The following TAF1C variants were observed in gnomAD, a reference collection of about 807,000 sequenced individuals.
The protein encoded by TAF1C is TATA-box binding protein associated factor, RNA polymerase I subunit C, also known as TATA box-binding protein-associated factor RNA polymerase I subunit C.
TAF1C carries 79 observed loss-of-function variants against 70.5 expected under a neutral mutation model. That is an observed-to-expected ratio of 1.12 (90% CI 0.93 to 1.35). The LOEUF (loss-of-function observed/expected upper bound fraction) is 1.35, where lower values mean the gene tolerates loss of function less well. Among genes scored for constraint, TAF1C ranks in the 40% most tolerant of loss-of-function variants. The probability of loss-of-function intolerance (pLI) is 0.00; values close to 1 mark genes in which losing one functional copy is unlikely to be tolerated. For missense variants in TAF1C, 1,412 were observed against 1,127.8 expected, an observed-to-expected ratio of 1.25 and a Z score of -3.61; for synonymous variants, 614 against 491.1, an observed-to-expected ratio of 1.25 and a Z score of -3.31.
At position 84,182,989 on chromosome 16, in the gene TAF1C, G is replaced by A. The variant is rs531817835; in HGVS notation, c.482+87C>T. 5.5e-5 allele frequency: 76 copies of A among 1,387,036 alleles called. No homozygotes were observed. The African/African-American group carries it at 5.5e-4, about 10-fold the overall frequency. 85.9% of individuals were successfully genotyped at this position (1,387,036 alleles called of 1,614,324 possible). A position where few individuals can be genotyped will look rare whatever the true frequency, so the allele number is the denominator to read the frequency against. On this transcript the variant is annotated intron_variant, in intron 6 of 14. Coordinates refer to ENST00000566732, the MANE Select transcript of TAF1C (RefSeq NM_001243156.2). The surrounding 1 kb of genome is among the most constrained non-coding windows in gnomAD (Gnocchi z 5.0). ...GGAGCAGGGGGGAAGTGGGTATGAC[G>A]GAAAGCTGTACGTGCGTCCTAGCAC...
In TAF1C at chr16:84,182,124, T is replaced by C. The variant is rs2089234754; in HGVS notation, c.722-66A>G. On this transcript the variant is annotated intron_variant, in intron 7 of 14. Transcript: ENST00000566732. This position sits in a 1 kb window ranked among gnomAD's most constrained non-coding sequence, Gnocchi z 5.0. The stretch of plus-strand genomic sequence containing the variant: ...CTGCAAGCCCCCCAAATTCCTGCCC[T>C]TCTCTGGACCATGCCAAGAGCACCT... 1.3e-6 allele frequency: 2 copies of C among 1,589,832 alleles called. No individual in the cohort carries two copies. Among genetic ancestry groups the C allele is most frequent in the Non-Finnish European group, 8.6e-7 (1 of 1,166,598 alleles).
chr16:84,178,037 C>G lies in TAF1C; in HGVS notation c.*904G>C. On this transcript the variant is annotated 3_prime_UTR_variant, in exon 15 of 15. Transcript: ENST00000566732. Reference sequence around the variant, plus strand: ...TATGTCATCAGAAACCAGACAGACCCGGGTCCCTGCAAAATCTCAAGTGAG... The same window carrying G: ...TATGTCATCAGAAACCAGACAGACCGGGGTCCCTGCAAAATCTCAAGTGAG... 1 of 585,372 alleles carries G rather than the reference C, an allele frequency of 1.7e-6. No homozygotes were observed. The highest frequency in any genetic ancestry group is 3.1e-6 in the Non-Finnish European group (1 of 320,206). 36.3% of individuals were successfully genotyped at this position (585,372 alleles called of 1,614,324 possible).
At position 84,179,691 on chromosome 16, in the gene TAF1C, G is replaced by T; in HGVS notation, c.1782C>A (p.Asp594Glu). ...DAGPPGDTQPDCHAPTASWTS... is the reference protein window; with the variant it reads ...DAGPPGDTQPECHAPTASWTS... Reference sequence around the variant, plus strand: ...TCCAGGAAGCTGTGGGGGCATGGCAGTCAGGTTGGGTGTCGCCAGGAGGCC... The same window carrying T: ...TCCAGGAAGCTGTGGGGGCATGGCATTCAGGTTGGGTGTCGCCAGGAGGCC... Residue 594 changes from aspartate (D) to glutamate (E), a missense_variant, in exon 15 of 15, where the codon GAC (aspartate) becomes GAA (glutamate). Asp to Glu is a conservative substitution (Grantham distance 45, BLOSUM62 2). Coordinates refer to ENST00000566732, the MANE Select transcript of TAF1C (RefSeq NM_001243156.2). 3 of 1,612,646 alleles carry T rather than the reference G, an allele frequency of 1.9e-6. No homozygotes were observed. The highest frequency in any genetic ancestry group is 2.5e-6 in the Non-Finnish European group (3 of 1,179,946).
chr16:84,180,594 G>C lies in TAF1C; in HGVS notation c.1309-250C>G, dbSNP rs556064726. 2.6e-5 allele frequency: 15 copies of C among 581,254 alleles called. No homozygotes were observed. In the South Asian group the frequency reaches 3.8e-4, roughly 15 times the overall value. 36.0% of individuals were successfully genotyped at this position (581,254 alleles called of 1,614,324 possible). A position where few individuals can be genotyped will look rare whatever the true frequency, so the allele number is the denominator to read the frequency against. On this transcript the variant is annotated intron_variant, in intron 12 of 14. Coordinates refer to ENST00000566732, the MANE Select transcript of TAF1C (RefSeq NM_001243156.2). The stretch of plus-strand genomic sequence containing the variant: ...GGAAAGGGGTGCTCAGAAGAGGTGT[G>C]GGGGAGCCTTGCCAGCAGAAACCTG...
intron 1 of TAF1C, among the ~76,000 whole-genome samples, chr16:84,186,129 T>G (rs1263507323): frequency 8.5e-5 from 13 of 152,236 alleles, no homozygotes; most frequent in Admixed American, 8.5e-4. Flanking sequence ...CAGCAAGAAC[T>G]TTAGTCCAAC....
At position 84,184,959 on chromosome 16, in the gene TAF1C, T is replaced by G. The variant is rs2230126; in HGVS notation, c.30A>C (p.Ala10=). The G allele has an allele frequency of 6.2e-7, 1 of 1,613,194 alleles. No individual in the cohort carries two copies. The highest frequency in any genetic ancestry group is 1.1e-5 in the South Asian group (1 of 91,024). The change falls in exon 2 of 15, where the codon GCA becomes GCC. Residue 10 remains alanine (A), a synonymous_variant. Transcript: ENST00000566732. MDFPSSLRP[A]LFLTGPLGLS... The stretch of plus-strand genomic sequence containing the variant: ...GACCAAGGGGGCCGGTCAGAAACAA[T>G]GCAGGGCGGAGGGAGCTGGGGAAGT...
At chr16:84,180,992 C>A (rs371742042) in intron 12 of TAF1C, 51 bp downstream of exon 12, 3 of 1,551,876 alleles carry the variant, frequency 1.9e-6, no homozygotes, top group East Asian at 4.6e-5. Flanking sequence ...CCTCTAGTGA[C>A]CATCTGAGAC....
At position 84,183,448 on chromosome 16, in the gene TAF1C, G is replaced by A. The variant is rs1347052630; in HGVS notation, c.280C>T (p.Arg94Trp). 3.1e-6 allele frequency: 5 copies of A among 1,612,336 alleles called. No individual in the cohort carries two copies. Among genetic ancestry groups the A allele is most frequent in the South Asian group, 1.1e-5 (1 of 90,878 alleles). The change falls in exon 4 of 15, where the codon CGG (arginine) becomes TGG (tryptophan). Residue 94 changes from arginine to tryptophan, a missense_variant. Coordinates refer to ENST00000566732, the MANE Select transcript of TAF1C (RefSeq NM_001243156.2). ...DLLFRGGCRY[R>W]KRPRVVLDVT... is the part of the protein sequence containing the mutation. Reference sequence around the variant, plus strand: ...TCCAGCACGACTCGGGGCCGCTTCCGATACCGGCACCCTCCGCGGAAAAGC... The same window carrying A: ...TCCAGCACGACTCGGGGCCGCTTCCAATACCGGCACCCTCCGCGGAAAAGC...
In TAF1C at chr16:84,179,789, G is replaced by A. The variant is rs779241189; in HGVS notation, c.1684C>T (p.Leu562Phe). Residue 562 changes from leucine to phenylalanine, a missense_variant, in exon 15 of 15, where the codon CTC becomes TTC. Transcript: ENST00000566732. Reference protein sequence around the residue: ...APTPGLVLFQLSAAGDVFYQQ... With the variant: ...APTPGLVLFQFSAAGDVFYQQ... The stretch of plus-strand genomic sequence containing the variant: ...TAGAAGACATCTCCCGCCGCCGAGA[G>A]CTGGAAGAGCACCAGGCCTGGTGTG... 123 of 1,610,168 alleles carry A rather than the reference G, an allele frequency of 7.6e-5. No homozygotes were observed. Among genetic ancestry groups the A allele is most frequent in the Non-Finnish European group, 9.8e-5 (115 of 1,178,924 alleles).
Position 84,179,772 on chromosome 16 carries a change from A to G in TAF1C, c.1701T>C (p.Asp567=), listed in dbSNP as rs776222075. The G allele has an allele frequency of 3.1e-6, 5 of 1,609,484 alleles. No individual in the cohort carries two copies. The highest frequency in any genetic ancestry group is 4.2e-6 in the Non-Finnish European group (5 of 1,178,696). The stretch of plus-strand genomic sequence containing the variant: ...GGGGGCGGAGCTGCTGGTAGAAGAC[A>G]TCTCCCGCCGCCGAGAGCTGGAAGA... ...LVLFQLSAAG[D]VFYQQLRPQV... Residue 567 remains aspartate, a synonymous_variant, in exon 15 of 15, where the codon GAT becomes GAC. Coordinates refer to ENST00000566732, the MANE Select transcript of TAF1C (RefSeq NM_001243156.2).
In TAF1C at chr16:84,181,912, G is replaced by A. The variant is rs776072841; in HGVS notation, c.838+30C>T. ...GGGGTCAGGTAGCAGGTCAGCCAGT[G>A]AGGGAGGAAAGTGTATATAAGGGCC... On this transcript the variant is annotated intron_variant, in intron 8 of 14. Coordinates refer to ENST00000566732, the MANE Select transcript of TAF1C (RefSeq NM_001243156.2). 1.3e-5 allele frequency: 21 copies of A among 1,614,054 alleles called. No individual in the cohort carries two copies. The highest frequency in any genetic ancestry group is 1.8e-5 in the Non-Finnish European group (21 of 1,180,026).
chr16:84,183,180 A>C (rs1463330599), intron 5 of TAF1C, 31 bp from the exon 6 acceptor site: 1 of 1,613,422 alleles, frequency 6.2e-7, no homozygotes, highest in Non-Finnish European at 8.5e-7. Context: ...AGGCTCACAC[A>C]CCCTCGAGTT....
chr16:84,181,093 G>A lies in TAF1C; in HGVS notation c.1258C>T (p.His420Tyr), dbSNP rs772419461. 1.9e-6 allele frequency: 3 copies of A among 1,612,884 alleles called. No homozygotes were observed. The highest frequency in any genetic ancestry group is 1.7e-6 in the Non-Finnish European group (2 of 1,179,068). ...GGGGGGAGGCATTTGGGGCTGGAGT[G>A]CCCCAGGTACTGGGTAAGCAGGACA... ...ERVLLTQYLG[H>Y]SSPKCLPPTL... Residue 420 changes from histidine to tyrosine, a missense_variant, in exon 12 of 15, where the codon CAC becomes TAC. Transcript: ENST00000566732.
At chr16:84,186,324 C>T (rs1276797192) in intron 1 of TAF1C, among the ~76,000 whole-genome samples, 1 of 152,204 alleles carries the variant, frequency 6.6e-6, no homozygotes, top group African/African-American at 2.4e-5. Flanking sequence ...GAGGCCAAGG[C>T]GGGCGGATCA....
At position 84,178,461 on chromosome 16, in the gene TAF1C, A is replaced by G; in HGVS notation, c.*480T>C. 2.2e-6 allele frequency: 1 copy of G among 459,240 alleles called. No homozygotes were observed. Among genetic ancestry groups the G allele is most frequent in the South Asian group, 1.5e-5 (1 of 64,588 alleles). The allele number at this position is 459,240 out of a possible 1,614,324, so 28.4% of individuals were successfully genotyped here. A position where few individuals can be genotyped will look rare whatever the true frequency, so the allele number is the denominator to read the frequency against. ...TGTAGGAAACATCAGACCGGGGCAG[A>G]GATTGACAAAGCAACCCACAACAGC... On this transcript the variant is annotated 3_prime_UTR_variant, in exon 15 of 15. Coordinates refer to ENST00000566732, the MANE Select transcript of TAF1C (RefSeq NM_001243156.2).
At chr16:84,180,663 C>T in intron 12 of TAF1C, 1 of 720,468 alleles carries the variant, frequency 1.4e-6, no homozygotes, top group South Asian at 2.5e-5. Context: ...ACCCGGGAGC[C>T]TGTGCTCGAG....
Position 84,183,697 on chromosome 16 carries a change from C to T in TAF1C, c.220G>A (p.Asp74Asn), listed in dbSNP as rs1306023995. Residue 74 changes from aspartate (D) to asparagine (N), a missense_variant and splice_region_variant, in exon 3 of 15, where the codon GAT becomes AAT. By Grantham distance (23) the Asp-to-Asn change is conservative. Coordinates refer to ENST00000566732, the MANE Select transcript of TAF1C (RefSeq NM_001243156.2). ...GAGCCCGGGGGAATGAGACCCTTAC[C>T]GATGAGGGGAGGCAGCATGGGGAGA... ...GPLPMLPPLI[D>N]PWDPGLTARD... 16 of 1,610,628 alleles carry T rather than the reference C, an allele frequency of 9.9e-6. No individual in the cohort carries two copies. The highest frequency in any genetic ancestry group is 1.3e-5 in the Non-Finnish European group (15 of 1,178,064).
In TAF1C at chr16:84,179,642, T is replaced by C. The variant is rs1447844394; in HGVS notation, c.1831A>G (p.Ser611Gly). Residue 611 changes from serine (S) to glycine (G), a missense_variant, in exon 15 of 15, where the codon AGC becomes GGC. Physicochemically the swap from Ser to Gly is moderately conservative, Grantham distance 56. Coordinates refer to ENST00000566732, the MANE Select transcript of TAF1C (RefSeq NM_001243156.2). ...TTTAGCAGGGCCTTCAGCCACTGGC[T>C]GCAGCCGGCAGTGTCCTGGGAGGTC... Reference protein sequence around the residue: ...SWTSQDTAGCSQWLKALLKVP... With the variant: ...SWTSQDTAGCGQWLKALLKVP... 13 of 1,612,540 alleles carry C rather than the reference T, an allele frequency of 8.1e-6. No homozygotes were observed. The highest frequency in any genetic ancestry group is 1.1e-5 in the Non-Finnish European group (13 of 1,179,880).
chr16:84,178,648 C>T lies in TAF1C; in HGVS notation c.*293G>A, dbSNP rs570430472. ...TGAGGCCCCCACAGCTGAGGCGCAG[C>T]GGAGCCCTGCCTCCCAGCACAGACT... On this transcript the variant is annotated 3_prime_UTR_variant, in exon 15 of 15. Coordinates refer to ENST00000566732, the MANE Select transcript of TAF1C (RefSeq NM_001243156.2). The T allele has an allele frequency of 1.2e-4, 56 of 478,442 alleles. No individual in the cohort carries two copies. The East Asian group carries it at 1.6e-3, about 14-fold the overall frequency. 29.6% of individuals were successfully genotyped at this position (478,442 alleles called of 1,614,324 possible). A position where few individuals can be genotyped will look rare whatever the true frequency, so the allele number is the denominator to read the frequency against.
Sources: allele counts gnomAD v4.1 joint callset (sites outside exome capture counted in the v4.1 genomes callset), GRCh38; gene constraint gnomAD v4.1.1; non-coding constraint Gnocchi (gnomAD v3.1); transcripts MANE v1.5; gene names NCBI Gene and HGNC (gene_info 2026-07-23, HGNC 2026-07-21).